The following TEX11 variants were observed in gnomAD, a reference collection of about 807,000 sequenced individuals.
The protein encoded by TEX11 is testis expressed 11, also known as testis-expressed protein 11.
Under a neutral mutation model 84.4 loss-of-function variants are expected in TEX11, and 7 were observed. That is an observed-to-expected ratio of 0.08 (90% CI 0.05 to 0.16). The LOEUF (loss-of-function observed/expected upper bound fraction) is 0.16, where lower values mean the gene tolerates loss of function less well. TEX11 is among the 10% of genes least tolerant of loss of function. TEX11 has a pLI of 1.00. For synonymous variants in TEX11, 264 were observed against 222.8 expected, an observed-to-expected ratio of 1.18 and a Z score of -1.64; for missense variants, 551 against 660.5, an observed-to-expected ratio of 0.83 and a Z score of 1.82.
Position 70,740,514 on chromosome X carries a change from T to C in TEX11, c.843+187A>G, listed in dbSNP as rs186044533. 2.7e-5 allele frequency among the ~76,000 whole-genome samples: 3 copies of C among 111,803 alleles called. No homozygotes were observed. The East Asian group carries it at 8.4e-4, about 31-fold the overall frequency. On this transcript the variant is annotated intron_variant, in intron 11 of 29. Transcript: ENST00000374333. Reference sequence around the variant, plus strand: ...CACTTTGGGGGTTAAGATTTCAACATAGGAATTTGCGGGGACACAAACATT... The same window carrying C: ...CACTTTGGGGGTTAAGATTTCAACACAGGAATTTGCGGGGACACAAACATT...
At chrX:70,818,241 G>T (rs192023682) in intron 8 of TEX11, among the ~76,000 whole-genome samples, 26 of 110,375 alleles carry the variant, frequency 2.4e-4, no homozygotes, top group Admixed American at 2.3e-3. Flanking sequence ...GGTCCAGGCT[G>T]CAGTGAGCCG....
At chrX:70,673,077 C>G (rs1312743299) in intron 15 of TEX11, 1 of 116,476 alleles carries the variant, frequency 8.6e-6, no homozygotes, top group Non-Finnish European at 1.8e-5. Context: ...CTGGCTTCAG[C>G]TATGTCCCTG....
At chrX:70,557,190 C>T (rs191641741) in intron 25 of TEX11, among the ~76,000 whole-genome samples, 1 of 109,713 alleles carries the variant, frequency 9.1e-6, no homozygotes, top group East Asian at 2.9e-4. Flanking sequence ...GAACAAGGAC[C>T]AGGCACAGTG....
chrX:70,828,067 T>G (rs887810315), intron 8 of TEX11, among the ~76,000 whole-genome samples: 1 of 111,710 alleles, frequency 9.0e-6, no homozygotes. Flanking sequence ...ATTATTAGGC[T>G]TGGGGTCCAA....
intron 16 of TEX11, among the ~76,000 whole-genome samples, chrX:70,654,801 T>G (rs2089847346): frequency 9.3e-6 from 1 of 107,255 alleles, no homozygotes; most frequent in Admixed American, 1.0e-4. Context: ...TTGTATTAAA[T>G]GTATAAACAC....
rs2090360251 is a variant in TEX11 at position 70,705,121 on chromosome X, T to G, written c.1004+17497A>C. ...AGATGGCTGTAGATGTGTGGTATTA[T>G]TTCTGAGGCCTCTGTTCTGTTCCAT... On this transcript the variant is annotated intron_variant, in intron 13 of 29. Coordinates refer to ENST00000374333, the MANE Select transcript of TEX11 (RefSeq NM_031276.3). Among the ~76,000 whole-genome samples, 6 of 111,710 alleles carry G rather than the reference T, an allele frequency of 5.4e-5. No individual in the cohort carries two copies. The East Asian group carries it at 1.7e-3, about 31-fold the overall frequency.
intron 13 of TEX11, among the ~76,000 whole-genome samples, chrX:70,690,023 A>T (rs2147667838): frequency 8.9e-6 from 1 of 111,780 alleles, no homozygotes; most frequent in East Asian, 2.8e-4. Context: ...TGAGAAAAAT[A>T]TCAGAAAAAA....
intron 9 of TEX11, among the ~76,000 whole-genome samples, chrX:70,750,935 T>TA (rs1304455060): frequency 1.0e-4 from 3 of 28,887 alleles, no homozygotes; most frequent in African/African-American, 4.6e-4. Context: ...AAAAAAAAAA[T>TA]ATATATATAT....
intron 4 of TEX11, among the ~76,000 whole-genome samples, chrX:70,863,041 G>C (rs932201530): frequency 9.0e-6 from 1 of 111,532 alleles, no homozygotes; most frequent in African/African-American, 3.3e-5. Context: ...CTGAAAGAAA[G>C]GTAGCAGCCC....
chrX:70,515,842 G>T, the TEX11 span, among the ~76,000 whole-genome samples: 9 of 112,189 alleles, frequency 8.0e-5, no homozygotes, highest in East Asian at 2.2e-3. Flanking sequence ...ATCTCATTGT[G>T]GTTTTCATTT....
chrX:70,639,754 T>C (rs1164041068), intron 17 of TEX11, among the ~76,000 whole-genome samples: 2 of 110,836 alleles, frequency 1.8e-5, no homozygotes, highest in Admixed American at 1.9e-4. Context: ...ACATCCACAC[T>C]AAAAACCCAT....
intron 25 of TEX11, among the ~76,000 whole-genome samples, chrX:70,567,319 A>T (rs1297009949): frequency 2.7e-5 from 3 of 110,732 alleles, no homozygotes; most frequent in Non-Finnish European, 5.7e-5. Context: ...GTCTTGCTAG[A>T]GGTCTATCAA....
At chrX:70,874,058 A>G (rs2091643110) in intron 3 of TEX11, among the ~76,000 whole-genome samples, 1 of 110,401 alleles carries the variant, frequency 9.1e-6, no homozygotes, top group African/African-American at 3.3e-5. Context: ...GCAAGATCTG[A>G]TTCTTAAAAA....
intron 11 of TEX11, among the ~76,000 whole-genome samples, chrX:70,737,396 T>C (rs1187711496): frequency 9.0e-6 from 1 of 110,816 alleles, no homozygotes; most frequent in East Asian, 2.8e-4. Context: ...ATTAGAGTAC[T>C]TGGGGGAAAG....
chrX:70,719,758 T>A (rs1337002875), intron 13 of TEX11, among the ~76,000 whole-genome samples: 1 of 111,455 alleles, frequency 9.0e-6, no homozygotes, highest in South Asian at 3.7e-4. Flanking sequence ...AGCCAAAAGA[T>A]ACGTGAAAAA....
chrX:70,683,990 G>A (rs769859831), intron 13 of TEX11, among the ~76,000 whole-genome samples: 5 of 109,985 alleles, frequency 4.5e-5, no homozygotes, highest in Non-Finnish European at 9.4e-5. Context: ...CTAGGAAAAC[G>A]GGATTTCCAC....
At chrX:70,575,955 T>C (rs1247068779) in intron 25 of TEX11, among the ~76,000 whole-genome samples, 1 of 112,238 alleles carries the variant, frequency 8.9e-6, no homozygotes, top group Non-Finnish European at 1.9e-5. Context: ...CATTTTGCCT[T>C]ATATATGTAT....
intron 25 of TEX11, among the ~76,000 whole-genome samples, chrX:70,579,632 T>A (rs1240877449): frequency 9.1e-6 from 1 of 110,300 alleles, no homozygotes; most frequent in Non-Finnish European, 1.9e-5. Flanking sequence ...TATACAGAGC[T>A]CAAACAACTC....
chrX:70,511,720 T>C, the TEX11 span, among the ~76,000 whole-genome samples: 1 of 78,328 alleles, frequency 1.3e-5, no homozygotes, highest in Admixed American at 1.8e-4. Flanking sequence ...ACCATTGCAC[T>C]CCAACCTGGG....
Sources: allele counts gnomAD v4.1 joint callset (sites outside exome capture counted in the v4.1 genomes callset), GRCh38; gene constraint gnomAD v4.1.1; transcripts MANE v1.5; gene names NCBI Gene and HGNC (gene_info 2026-07-23, HGNC 2026-07-21).